Variants in CRIM1 observed in about 807,000 individuals in gnomAD.
The protein encoded by CRIM1 is cysteine-rich motor neuron 1 protein.
A neutral mutation model predicts 116.4 loss-of-function variants in CRIM1; 32 were observed. The observed-to-expected ratio is 0.27, with a 90% CI of 0.21 to 0.37. CRIM1 has a LOEUF of 0.37. CRIM1 is among the 10% of genes least tolerant of loss of function. The pLI is 1.00. For synonymous variants in CRIM1, 590 were observed against 509.2 expected (o/e 1.16, Z -2.13); for missense variants, 1,331 against 1,354.8 (o/e 0.98, Z 0.28).
rs147049577 is a variant in CRIM1 at position 36,380,456 on chromosome 2, C to T, written c.332-16158C>T. On this transcript the variant is annotated intron_variant, in intron 1 of 16. Transcript: ENST00000280527. ...CAGAGGGTGACCTTGATAGGATGCACATCCTGGAGCTTAATTTCATAAGCC... is the reference window on the plus strand; with the variant it reads ...CAGAGGGTGACCTTGATAGGATGCATATCCTGGAGCTTAATTTCATAAGCC... Among the ~76,000 whole-genome samples the T allele has an allele frequency of 3.8e-4, 58 of 152,266 alleles. No individual in the cohort carries two copies. In the East Asian group the frequency reaches 9.9e-3, roughly 26 times the overall value.
intron 2 of CRIM1, among the ~76,000 whole-genome samples, chr2:36,423,233 C>T (rs1374495674): frequency 6.6e-6 from 1 of 152,132 alleles, no homozygotes; most frequent in African/African-American, 2.4e-5. Context: ...GTAAGTAGTC[C>T]TATACTGGGG....
Position 36,477,033 on chromosome 2 carries a change from A to G in CRIM1, c.1136A>G (p.Tyr379Cys). The G allele has an allele frequency of 6.2e-7, 1 of 1,613,602 alleles. No homozygotes were observed. Among genetic ancestry groups the G allele is most frequent in the Non-Finnish European group, 8.5e-7 (1 of 1,179,726 alleles). ...TGTGGTGAGATAAACTGCGAGAGGT[A>G]CTACGTGCCCGAAGGAGAGTGCTGC... ...AQCGEINCER[Y>C]YVPEGECCPV... is the part of the protein sequence containing the mutation. Residue 379 changes from tyrosine to cysteine, a missense_variant, in exon 6 of 17, where the codon TAC becomes TGC. Physicochemically the swap from Tyr to Cys is radical, Grantham distance 194 (BLOSUM62 -2). Around this residue, in one of 3 missense-constraint regions of CRIM1, gnomAD observed 690 missense variants for 676.0 expected, o/e 1.02. Transcript: ENST00000280527.
At chr2:36,530,311 T>C (rs1040618126) in intron 13 of CRIM1, among the ~76,000 whole-genome samples, 6 of 152,196 alleles carry the variant, frequency 3.9e-5, no homozygotes, top group African/African-American at 1.4e-4. Context: ...CTATGAGTTC[T>C]TAGTGGCCCG....
At chr2:36,461,098 A>C (rs1014934647) in intron 4 of CRIM1, among the ~76,000 whole-genome samples, 2 of 152,232 alleles carry the variant, frequency 1.3e-5, no homozygotes, top group Admixed American at 6.5e-5. Context: ...GTGATACATA[A>C]AATGAGGAGT....
chr2:36,447,742 A>G (rs889954598), intron 4 of CRIM1, among the ~76,000 whole-genome samples: 6 of 152,198 alleles, frequency 3.9e-5, no homozygotes, highest in African/African-American at 1.2e-4. Flanking sequence ...TAAGCCACAA[A>G]GAATTTGTGG....
At chr2:36,418,512 C>G (rs767571096) in intron 2 of CRIM1, among the ~76,000 whole-genome samples, 1 of 152,168 alleles carries the variant, frequency 6.6e-6, no homozygotes, top group African/African-American at 2.4e-5. Context: ...GTCTTGAACT[C>G]CTGGGCTCAG....
intron 4 of CRIM1, among the ~76,000 whole-genome samples, chr2:36,453,849 T>C (rs1676924462): frequency 6.6e-6 from 1 of 152,204 alleles, no homozygotes; most frequent in Non-Finnish European, 1.5e-5. Context: ...TCTTTAAGAA[T>C]GAGTCAGAGT....
intron 1 of CRIM1, among the ~76,000 whole-genome samples, chr2:36,373,725 T>C (rs1027405429): frequency 1.3e-5 from 2 of 152,206 alleles, no homozygotes; most frequent in Non-Finnish European, 2.9e-5. Flanking sequence ...TGAGAAAATG[T>C]CATTACAGTG....
Position 36,476,982 on chromosome 2 carries a change from G to A in CRIM1, c.1085G>A (p.Gly362Asp), listed in dbSNP as rs1177602067. 43 of 1,613,928 alleles carry A rather than the reference G, an allele frequency of 2.7e-5. No individual in the cohort carries two copies. The highest frequency in any genetic ancestry group is 3.6e-5 in the Non-Finnish European group (42 of 1,179,882). ...DNCRFCRCQG[G>D]VAICFTAQCG... is the part of the protein sequence containing the mutation. ...TGTCGGTTCTGTCGATGCCAAGGGGGCGTTGCCATCTGCTTCACCGCCCAG... is the reference window on the plus strand; with the variant it reads ...TGTCGGTTCTGTCGATGCCAAGGGGACGTTGCCATCTGCTTCACCGCCCAG... Residue 362 changes from glycine (G) to aspartate (D), a missense_variant, in exon 6 of 17, where the codon GGC (glycine) becomes GAC (aspartate). Gly to Asp is a moderately conservative substitution (Grantham distance 94, BLOSUM62 -1). This residue lies in a region of CRIM1 where 690 missense variants were observed against 676.0 expected (regional missense o/e 1.02). Transcript: ENST00000280527.
intron 2 of CRIM1, among the ~76,000 whole-genome samples, chr2:36,398,767 G>T (rs1214649125): frequency 6.6e-6 from 1 of 152,208 alleles, no homozygotes; most frequent in East Asian, 1.9e-4. Context: ...AAGAAGTCAG[G>T]ATTAGGGGAT....
chr2:36,401,430 A>G (rs1672395379), intron 2 of CRIM1, among the ~76,000 whole-genome samples: 1 of 152,190 alleles, frequency 6.6e-6, no homozygotes, highest in Non-Finnish European at 1.5e-5. Context: ...AACAAAGTTT[A>G]TGCTTCCGTG....
At position 36,459,475 on chromosome 2, in the gene CRIM1, ATTAT is replaced by A. The variant is rs755015862; in HGVS notation, c.870-5054_870-5051del. ...TGGGTACCTTTATCATTTTTTTACT[ATTAT>A]TTATAAGACAAGTAAGACATGCCCC... On this transcript the variant is annotated intron_variant, in intron 4 of 16. Coordinates refer to ENST00000280527, the MANE Select transcript of CRIM1 (RefSeq NM_016441.3). Among the ~76,000 whole-genome samples, 253 of 152,262 alleles carry A rather than the reference ATTAT, an allele frequency of 1.7e-3. 1 individual carries two copies. Among genetic ancestry groups the A allele is most frequent in the Non-Finnish European group, 1.7e-3 (113 of 68,010 alleles).
intron 2 of CRIM1, among the ~76,000 whole-genome samples, chr2:36,404,104 G>C (rs571838598): frequency 6.6e-6 from 1 of 152,108 alleles, no homozygotes; most frequent in African/African-American, 2.4e-5. Context: ...AAAGGACCCC[G>C]TGCAGGGAAG....
rs1679957121 is a variant in CRIM1 at position 36,487,980 on chromosome 2, G to GTATAATAT, written c.1372+8287_1372+8288insATAATATT. Among the ~76,000 whole-genome samples, 11 of 152,146 alleles carry GTATAATAT rather than the reference G, an allele frequency of 7.2e-5. No homozygotes were observed. In the South Asian group the frequency reaches 2.3e-3, roughly 32 times the overall value. On this transcript the variant is annotated intron_variant, in intron 7 of 16. Transcript: ENST00000280527. ...TGCCTACAGAAACAGGTCAAAATAG[G>GTATAATAT]TTGCGATTCTAATATAATTTATTTT... is the stretch of plus-strand genomic sequence containing the variant.
chr2:36,359,127 G>T (rs1401261586), intron 1 of CRIM1, among the ~76,000 whole-genome samples: 1 of 152,122 alleles, frequency 6.6e-6, no homozygotes, highest in Non-Finnish European at 1.5e-5. Flanking sequence ...ACGTGGTGAA[G>T]CATGGTTATC....
rs1308990928 is a variant in CRIM1 at position 36,442,804 on chromosome 2, A to T, written c.869+69A>T. ...GCATCATCTAAGGTACATTTTGAGCATGCAGTTTGTTTTCCCATGAGAAAC... is the reference window on the plus strand; with the variant it reads ...GCATCATCTAAGGTACATTTTGAGCTTGCAGTTTGTTTTCCCATGAGAAAC... On this transcript the variant is annotated intron_variant, in intron 4 of 16. Transcript: ENST00000280527. 3.2e-6 allele frequency: 5 copies of T among 1,586,118 alleles called. No individual in the cohort carries two copies. In the Admixed American group the frequency reaches 5.0e-5, roughly 16 times the overall value.
chr2:36,451,581 G>A (rs145072545), intron 4 of CRIM1, among the ~76,000 whole-genome samples: 2 of 152,282 alleles, frequency 1.3e-5, no homozygotes, highest in East Asian at 3.9e-4. Flanking sequence ...AATGGAACGA[G>A]CAGCAGGATC....
At chr2:36,511,872 G>A (rs1664707518) in intron 9 of CRIM1, among the ~76,000 whole-genome samples, 1 of 150,420 alleles carries the variant, frequency 6.6e-6, no homozygotes, top group African/African-American at 2.4e-5. Context: ...AGGGACGGAT[G>A]GATCGTAGGT....
chr2:36,521,494 T>C (rs772491471), intron 12 of CRIM1, among the ~76,000 whole-genome samples: 2 of 152,198 alleles, frequency 1.3e-5, no homozygotes. Context: ...ATTTTACATA[T>C]ATGACAAGAC....
Sources: gnomAD v4.1 joint callset for allele counts (sites outside exome capture counted in the v4.1 genomes callset) on GRCh38, gnomAD v4.1.1 for gene constraint, gnomAD v4.1.1 regional missense constraint, MANE v1.5 for transcripts, NCBI Gene and HGNC (gene_info 2026-07-23, HGNC 2026-07-21) for gene names.